TMEM267: variants seen among roughly 807,000 people sequenced by gnomAD.
TMEM267 encodes the protein transmembrane protein C5orf28.
TMEM267 carries 20 observed loss-of-function variants against 19.3 expected under a neutral mutation model. The ratio of observed to expected loss-of-function variants is 1.04; its 90% CI spans 0.73 to 1.51. The LOEUF (loss-of-function observed/expected upper bound fraction) is 1.51. TMEM267 is among the 40% of genes most tolerant of loss of function. The pLI, the probability that TMEM267 is intolerant of heterozygous loss-of-function variation, is 0.00. For missense variants in TMEM267, 242 were observed against 261.9 expected (o/e 0.92, Z 0.52); for synonymous variants, 88 against 90.3 (o/e 0.97, Z 0.15).
intron 1 of TMEM267, among the ~76,000 whole-genome samples, chr5:43,458,358 T>C (rs1253727676): frequency 2.0e-5 from 3 of 152,284 alleles, no homozygotes; most frequent in Non-Finnish European, 2.9e-5. Context: ...CACCTCAGCC[T>C]CCCAAAGTGC....
intron 1 of TMEM267, among the ~76,000 whole-genome samples, chr5:43,454,898 C>A (rs1186528811): frequency 1.3e-5 from 2 of 152,106 alleles, no homozygotes; most frequent in East Asian, 1.9e-4. Context: ...TATTTGTCTA[C>A]CTAAAGTGTG....
Position 43,453,675 on chromosome 5 carries a change from C to T in TMEM267, c.295G>A (p.Gly99Arg). 6.2e-7 allele frequency: 1 copy of T among 1,613,592 alleles called. No individual in the cohort carries two copies. The highest frequency in any genetic ancestry group is 8.5e-7 in the Non-Finnish European group (1 of 1,179,814). ...CTTTTTACCTTTAAAGACATGGATC[C>T]AGCTAGAAAAAAGTGGTCTACATCA... ...VIDVDHFFLA[G>R]SMSLKAALTL... Residue 99 changes from glycine to arginine, a missense_variant, in exon 2 of 3, where the codon GGA becomes AGA. Physicochemically the swap from Gly to Arg is moderately radical, Grantham distance 125. Coordinates refer to ENST00000397080, the MANE Select transcript of TMEM267 (RefSeq NM_022483.5).
chr5:43,465,296 G>C (rs1341341913), intron 1 of TMEM267, among the ~76,000 whole-genome samples: 2 of 152,232 alleles, frequency 1.3e-5, no homozygotes, highest in Non-Finnish European at 2.9e-5. Context: ...TCATTCAAAA[G>C]TCAGGAAACA....
intron 1 of TMEM267, chr5:43,479,835 T>G (rs1233913091): frequency 4.7e-6 from 2 of 423,148 alleles, no homozygotes; most frequent in East Asian, 7.8e-5. Context: ...AATAATGATT[T>G]CCAGGTACTC....
intron 1 of TMEM267, among the ~76,000 whole-genome samples, chr5:43,473,139 CAAAAAAAAAAA>C (rs71610311): frequency 1.2e-5 from 1 of 84,508 alleles, no homozygotes; most frequent in Non-Finnish European, 2.2e-5. Context: ...CTCCGTGTCA[CAAAAAAAAAAA>C]AAAAAAAAAA....
At chr5:43,447,577 G>A (rs1742330340) in intron 2 of TMEM267, among the ~76,000 whole-genome samples, 1 of 152,132 alleles carries the variant, frequency 6.6e-6, no homozygotes, top group African/African-American at 2.4e-5. Context: ...GTCTAAATCT[G>A]AATCTCTGCA....
chr5:43,479,087 AAAT>A (rs1228538665), intron 1 of TMEM267, among the ~76,000 whole-genome samples: 1 of 151,178 alleles, frequency 6.6e-6, no homozygotes. Context: ...AAAAATTTTA[AAAT>A]AATGTATATG....
In TMEM267 at chr5:43,453,977, AAT is replaced by A; in HGVS notation, c.-10_-9del. ...TTCAGTCTCGGATGCCATGACAAAC[AAT>A]ATGTTAGTATAGACTAAAAGCCATC... On this transcript the variant is annotated 5_prime_UTR_variant, in exon 2 of 3. Transcript: ENST00000397080. 6.2e-7 allele frequency: 1 copy of A among 1,611,808 alleles called. No homozygotes were observed. The highest frequency in any genetic ancestry group is 2.2e-5 in the East Asian group (1 of 44,856).
chr5:43,452,397 A>G (rs1181929859), intron 2 of TMEM267, among the ~76,000 whole-genome samples: 1 of 152,162 alleles, frequency 6.6e-6, no homozygotes, highest in Non-Finnish European at 1.5e-5. Context: ...GAGCTAAACA[A>G]TGGGTACACA....
At chr5:43,483,646 A>G (rs1744946698) in intron 1 of TMEM267, among the ~76,000 whole-genome samples, 176 bp downstream of exon 1, 1 of 152,144 alleles carries the variant, frequency 6.6e-6, no homozygotes, top group Non-Finnish European at 1.5e-5. Context: ...CGCACCCAGG[A>G]GGCTCCTGGC....
At chr5:43,471,944 G>T (rs895660644) in intron 1 of TMEM267, among the ~76,000 whole-genome samples, 2 of 151,976 alleles carry the variant, frequency 1.3e-5, no homozygotes, top group African/African-American at 4.8e-5. Context: ...GGACAAATGG[G>T]ATCACATCAG....
intron 1 of TMEM267, among the ~76,000 whole-genome samples, chr5:43,465,067 G>A (rs1743562315): frequency 6.6e-6 from 1 of 152,046 alleles, no homozygotes; most frequent in East Asian, 1.9e-4. Context: ...TCTGACAAAG[G>A]GCTAATATCC....
intron 1 of TMEM267, among the ~76,000 whole-genome samples, chr5:43,471,736 C>G (rs935495846): frequency 6.6e-4 from 100 of 152,210 alleles, no homozygotes; most frequent in African/African-American, 2.3e-3. Context: ...AACTAGATAT[C>G]TATATGCAGA....
At chr5:43,472,133 T>C (rs1744118074) in intron 1 of TMEM267, among the ~76,000 whole-genome samples, 1 of 152,146 alleles carries the variant, frequency 6.6e-6, no homozygotes, top group Non-Finnish European at 1.5e-5. Flanking sequence ...GGGCAAAATA[T>C]TTGAATAGAC....
intron 1 of TMEM267, among the ~76,000 whole-genome samples, chr5:43,482,195 T>C (rs916586870): frequency 2.6e-5 from 4 of 152,214 alleles, no homozygotes; most frequent in African/African-American, 7.2e-5. Context: ...TATTACACAA[T>C]AGATACGTAG....
At chr5:43,471,481 C>T (rs1392141227) in intron 1 of TMEM267, among the ~76,000 whole-genome samples, 1 of 151,046 alleles carries the variant, frequency 6.6e-6, no homozygotes, top group African/African-American at 2.4e-5. Context: ...CCCAGAATAC[C>T]CAAAGCTATC....
chr5:43,464,350 G>T (rs1434943943), intron 1 of TMEM267, among the ~76,000 whole-genome samples: 2 of 152,098 alleles, frequency 1.3e-5, no homozygotes, highest in Non-Finnish European at 2.9e-5. Context: ...TGGGTAGGAA[G>T]AATCAATATC....
intron 1 of TMEM267, among the ~76,000 whole-genome samples, chr5:43,457,823 A>C (rs1743039482): frequency 6.6e-6 from 1 of 152,242 alleles, no homozygotes; most frequent in Admixed American, 6.5e-5. Context: ...AAATTTAAGT[A>C]ATAGATGTAC....
chr5:43,474,831 C>A (rs1420099519), intron 1 of TMEM267, among the ~76,000 whole-genome samples: 1 of 150,914 alleles, frequency 6.6e-6, no homozygotes, highest in African/African-American at 2.4e-5. Flanking sequence ...ATCAAAACCA[C>A]ATCTCACGCC....
Sources: gnomAD v4.1 joint callset for allele counts (sites outside exome capture counted in the v4.1 genomes callset) on GRCh38, gnomAD v4.1.1 for gene constraint, MANE v1.5 for transcripts, NCBI Gene and HGNC (gene_info 2026-07-23, HGNC 2026-07-21) for gene names.